Variants in TRIM2 observed in about 807,000 individuals in gnomAD.
The protein encoded by TRIM2 is tripartite motif containing 2.
TRIM2 carries 20 observed loss-of-function variants against 75.2 expected under a neutral mutation model. The observed-to-expected ratio is 0.27, with a 90% CI of 0.19 to 0.39. The LOEUF is 0.39. Ranked by LOEUF, TRIM2 falls within the 10% of genes least tolerant of loss-of-function variation. The probability of loss-of-function intolerance (pLI) is 1.00; values close to 1 mark genes in which losing one functional copy is unlikely to be tolerated. For synonymous variants in TRIM2, 373 were observed against 388.3 expected (o/e 0.96, Z 0.46); for missense variants, 660 against 990.8 (o/e 0.67, Z 4.48).
intron 1 of TRIM2, among the ~76,000 whole-genome samples, chr4:153,244,382 T>C (rs1228718004): frequency 1.0e-4 from 7 of 69,764 alleles, no homozygotes; most frequent in East Asian, 5.9e-4. Flanking sequence ...CTTCTTCTTC[T>C]TCTTCTTCTT....
At position 153,294,308 on chromosome 4, in the gene TRIM2, C is replaced by T. The variant is rs369532223; in HGVS notation, c.609C>T (p.Leu203=). ...ACCTTTAACAACTGTCCACCAGGCT[C>T]CCAGAAATAGATTCTGCTCTTCAGT... ...QVQLDAVNKR[L]PEIDSALQFI... is the part of the protein sequence containing the mutation. The change falls in exon 5 of 12, where the codon CTC becomes CTT. Residue 203 remains leucine, a synonymous_variant. Transcript: ENST00000338700. 5 of 1,613,802 alleles carry T rather than the reference C, an allele frequency of 3.1e-6. No homozygotes were observed. The highest frequency in any genetic ancestry group is 1.7e-5 in the Admixed American group (1 of 59,986).
In TRIM2 at chr4:153,334,827, G is replaced by A; in HGVS notation, c.2177G>A (p.Ser726Asn). The A allele has an allele frequency of 1.2e-6, 2 of 1,611,978 alleles. No individual in the cohort carries two copies. Among genetic ancestry groups the A allele is most frequent in the African/African-American group, 1.3e-5 (1 of 75,002 alleles). The change falls in exon 12 of 12, where the codon AGT becomes AAT. Residue 726 changes from serine to asparagine, a missense_variant. Coordinates refer to ENST00000338700, the MANE Select transcript of TRIM2 (RefSeq NM_015271.5). ...ATTTGTTTACAGGTTTTTGATGGGA[G>A]TGGATCATTTTTGTCCTACATTAAC... ...GNSRIQVFDG[S>N]GSFLSYINTS...
chr4:153,186,798 A>G (rs1279420648), intron 1 of TRIM2, among the ~76,000 whole-genome samples: 1 of 152,142 alleles, frequency 6.6e-6, no homozygotes, highest in Non-Finnish European at 1.5e-5. Context: ...TCTAGACCTT[A>G]AGAAATGACC....
chr4:153,270,171 G>A (rs897304164), intron 1 of TRIM2, among the ~76,000 whole-genome samples, 164 bp from the exon 2 acceptor site: 2 of 151,898 alleles, frequency 1.3e-5, no homozygotes, highest in Non-Finnish European at 1.5e-5. Flanking sequence ...CTCATGATCC[G>A]CCCACCTCGG....
chr4:153,301,131 C>T (rs1763817592), intron 6 of TRIM2, among the ~76,000 whole-genome samples: 1 of 151,400 alleles, frequency 6.6e-6, no homozygotes, highest in African/African-American at 2.4e-5. Context: ...GCAGAGGCTG[C>T]AGTGAGCCAA....
At chr4:153,152,868 C>G (rs1480505455), upstream of TRIM2, among the ~76,000 whole-genome samples, 1 of 152,208 alleles carries the variant, frequency 6.6e-6, no homozygotes, top group African/African-American at 2.4e-5. Context: ...GGAAAAGGAT[C>G]CGATTTCTGC....
chr4:153,308,617 T>G, intron 6 of TRIM2: 1 of 631,366 alleles, frequency 1.6e-6, no homozygotes, highest in Non-Finnish European at 3.1e-6. Context: ...ATCCACACCT[T>G]TGGTCTTGAT....
chr4:153,206,949 T>C (rs1735631253), intron 1 of TRIM2, among the ~76,000 whole-genome samples: 1 of 152,072 alleles, frequency 6.6e-6, no homozygotes, highest in Non-Finnish European at 1.5e-5. Context: ...GGCATGATCA[T>C]GGCTCACTGC....
In TRIM2 at chr4:153,338,284, C is replaced by A. The variant is rs1772686826; in HGVS notation, c.*3318C>A. 1 of 985,680 alleles carries A rather than the reference C, an allele frequency of 1.0e-6. No individual in the cohort carries two copies. The highest frequency in any genetic ancestry group is 1.1e-4 in the East Asian group (1 of 8,822). The allele number at this position is 985,680 out of a possible 1,614,324, so 61.1% of individuals were successfully genotyped here. ...TTAATTGGAGGAAGTAGTAAATAAACATTAGGTAATCTGCAGATTACTTCA... is the reference window on the plus strand; with the variant it reads ...TTAATTGGAGGAAGTAGTAAATAAAAATTAGGTAATCTGCAGATTACTTCA... On this transcript the variant is annotated 3_prime_UTR_variant, in exon 12 of 12. Transcript: ENST00000338700.
intron 2 of TRIM2, among the ~76,000 whole-genome samples, chr4:153,271,867 C>A (rs1316953391): frequency 6.6e-6 from 1 of 152,196 alleles, no homozygotes; most frequent in African/African-American, 2.4e-5. Flanking sequence ...GCCACTCAGT[C>A]TGAACTTGGC....
Position 153,335,395 on chromosome 4 carries a change from A to T in TRIM2, c.*429A>T. ...ATATACTTCATTTAACCTAGGTCAC[A>T]AGACCCAGGGAATCTTCTAACCTCA... On this transcript the variant is annotated 3_prime_UTR_variant, in exon 12 of 12. Transcript: ENST00000338700. 1 of 986,028 alleles carries T rather than the reference A, an allele frequency of 1.0e-6. No homozygotes were observed. The highest frequency in any genetic ancestry group is 4.7e-5 in the South Asian group (1 of 21,298). The allele number at this position is 986,028 out of a possible 1,614,324, so 61.1% of individuals were successfully genotyped here. A position where few individuals can be genotyped will look rare whatever the true frequency, so the allele number is the denominator to read the frequency against.
At chr4:153,317,285 CT>C (rs1478923770) in intron 8 of TRIM2, among the ~76,000 whole-genome samples, 2 of 152,054 alleles carry the variant, frequency 1.3e-5, no homozygotes, top group Non-Finnish European at 2.9e-5. Flanking sequence ...CAGCTTATTA[CT>C]GTTTGGCCAT....
In TRIM2 at chr4:153,335,745, T is replaced by TTAAC. The variant is rs1281930929; in HGVS notation, c.*781_*784dup. Reference sequence around the variant, plus strand: ...ACCTTTTGGGAAACAAACTGCCCCGTTAACTCCAGATCATTGCACTGGAAT... The same window carrying TTAAC: ...ACCTTTTGGGAAACAAACTGCCCCGTTAACTAACTCCAGATCATTGCACTGGAAT... On this transcript the variant is annotated 3_prime_UTR_variant, in exon 12 of 12. Coordinates refer to ENST00000338700, the MANE Select transcript of TRIM2 (RefSeq NM_015271.5). 5 of 985,724 alleles carry TTAAC rather than the reference T, an allele frequency of 5.1e-6. No homozygotes were observed. The highest frequency in any genetic ancestry group is 4.8e-6 in the Non-Finnish European group (4 of 829,942). The allele number at this position is 985,724 out of a possible 1,614,324, so 61.1% of individuals were successfully genotyped here.
intron 1 of TRIM2, among the ~76,000 whole-genome samples, chr4:153,253,801 A>G (rs1579013566): frequency 6.6e-6 from 1 of 152,324 alleles, no homozygotes; most frequent in South Asian, 2.1e-4. Context: ...AATGTCAGGA[A>G]GTTACCCTAT....
intron 1 of TRIM2, among the ~76,000 whole-genome samples, chr4:153,176,633 C>G (rs10011579): frequency 0.36 from 54,794 of 151,566 alleles, 10,019 homozygotes; most frequent in East Asian, 0.45. Context: ...ATTTTTGTGA[C>G]AGAGTCTCAC....
chr4:153,169,429 T>G (rs1183036005), intron 1 of TRIM2, among the ~76,000 whole-genome samples: 1 of 152,238 alleles, frequency 6.6e-6, no homozygotes, highest in Non-Finnish European at 1.5e-5. Flanking sequence ...CAGGCTTAGT[T>G]ATCAGATTAT....
intron 1 of TRIM2, among the ~76,000 whole-genome samples, chr4:153,234,931 T>C (rs965619993): frequency 1.3e-5 from 2 of 152,184 alleles, no homozygotes; most frequent in Non-Finnish European, 2.9e-5. Flanking sequence ...ATTCTTAACC[T>C]TCCCCGTGCC....
At chr4:153,225,455 A>C (rs1459438481) in intron 1 of TRIM2, among the ~76,000 whole-genome samples, 1 of 152,206 alleles carries the variant, frequency 6.6e-6, no homozygotes, top group Non-Finnish European at 1.5e-5. Context: ...GCTTGAGGCA[A>C]AGGCTGGCAT....
rs188370784 is a variant in TRIM2 at position 153,267,680 on chromosome 4, G to A, written c.31-2655G>A. Among the ~76,000 whole-genome samples the A allele has an allele frequency of 3.2e-3, 481 of 152,144 alleles. 1 individual carries two copies. The highest frequency in any genetic ancestry group is 0.011 in the African/African-American group (454 of 41,524). On this transcript the variant is annotated intron_variant, in intron 1 of 11. Coordinates refer to ENST00000338700, the MANE Select transcript of TRIM2 (RefSeq NM_015271.5). ...AATAATAGTAATAATAAAGAATAAA[G>A]AATAATAGTATGACCTCCTGCCTAG...
Sources: gnomAD v4.1 joint callset for allele counts (sites outside exome capture counted in the v4.1 genomes callset) on GRCh38, gnomAD v4.1.1 for gene constraint, MANE v1.5 for transcripts, NCBI Gene and HGNC (gene_info 2026-07-23, HGNC 2026-07-21) for gene names.